Variants in GPATCH8 observed in about 807,000 individuals in gnomAD.
GPATCH8 encodes the protein G-patch domain containing 8, also known as G patch domain-containing protein 8.
A neutral mutation model predicts 118.3 loss-of-function variants in GPATCH8; 18 were observed. The ratio of observed to expected loss-of-function variants is 0.15; its 90% CI spans 0.11 to 0.23. The LOEUF (loss-of-function observed/expected upper bound fraction) is 0.23. Among genes scored for constraint, GPATCH8 ranks in the 10% least tolerant of loss-of-function variants. GPATCH8 has a pLI of 1.00. For missense variants in GPATCH8, 1,631 were observed against 1,873.8 expected (o/e 0.87, Z 2.39); for synonymous variants, 659 against 684.7 (o/e 0.96, Z 0.59).
At chr17:44,488,342 G>A (rs1039643426) in intron 1 of GPATCH8, among the ~76,000 whole-genome samples, 5 of 150,014 alleles carry the variant, frequency 3.3e-5, no homozygotes, top group African/African-American at 1.2e-4. Context: ...CTACAGGTGT[G>A]CACCACCACG....
At chr17:44,448,943 C>T (rs578059523) in intron 3 of GPATCH8, among the ~76,000 whole-genome samples, 11 of 152,126 alleles carry the variant, frequency 7.2e-5, no homozygotes, top group Non-Finnish European at 1.6e-4. Flanking sequence ...CTGATCCATT[C>T]TATTTGCATT....
At chr17:44,494,795 G>T (rs957328162) in intron 1 of GPATCH8, among the ~76,000 whole-genome samples, 15 of 152,134 alleles carry the variant, frequency 9.9e-5, no homozygotes, top group Non-Finnish European at 2.9e-5. Context: ...CTATCCCTCA[G>T]CTTAAGAACC....
In GPATCH8 at chr17:44,399,172, GACT is replaced by G. The variant is rs755090159; in HGVS notation, c.2902_2904del (p.Ser968del). 27 of 1,610,266 alleles carry G rather than the reference GACT, an allele frequency of 1.7e-5. No individual in the cohort carries two copies. The highest frequency in any genetic ancestry group is 2.3e-5 in the Non-Finnish European group (27 of 1,177,118). ...GTGCTACGGCTTCTCCGCTTGCTTC[GACT>G]ACGACTACAACTGCTGCTGCGGCTG... On this transcript the variant is annotated inframe_deletion, in exon 8 of 8. Coordinates refer to ENST00000591680, the MANE Select transcript of GPATCH8 (RefSeq NM_001002909.4).
intron 3 of GPATCH8, among the ~76,000 whole-genome samples, chr17:44,438,219 A>C (rs906150729): frequency 2.0e-5 from 3 of 152,196 alleles, no homozygotes; most frequent in Non-Finnish European, 4.4e-5. Flanking sequence ...AGAAATGTCA[A>C]AGCAATTTAT....
At position 44,435,136 on chromosome 17, in the gene GPATCH8, CT is replaced by C; in HGVS notation, c.276del (p.Asp93MetfsTer9). On this transcript the variant is annotated frameshift_variant, in exon 5 of 8. Transcript: ENST00000591680. LOFTEE classifies it high-confidence loss of function. ...AGGACACGGCGCCGTTCGGTAGCAT[CT>C]TCAGCATAATCAAGCTTGACAAAAA... Reference protein sequence around the residue: ...GRMEMELDYAEDATERRRVLE... With the variant: ...GRMEMELDYAXDATERRRVLE... 1 of 1,483,468 alleles carries C rather than the reference CT, an allele frequency of 6.7e-7. No homozygotes were observed. The highest frequency in any genetic ancestry group is 9.4e-7 in the Non-Finnish European group (1 of 1,060,836). The allele number at this position is 1,483,468 out of a possible 1,614,324, so 91.9% of individuals were successfully genotyped here.
intron 5 of GPATCH8, among the ~76,000 whole-genome samples, chr17:44,433,183 G>A (rs998062718): frequency 5.3e-5 from 8 of 151,982 alleles, no homozygotes; most frequent in Non-Finnish European, 7.4e-5. Context: ...ATAATCTTAT[G>A]AGGCTGTGAA....
intron 3 of GPATCH8, among the ~76,000 whole-genome samples, chr17:44,448,538 G>A (rs2050982322): frequency 6.3e-5 from 2 of 31,534 alleles, no homozygotes; most frequent in Non-Finnish European, 2.1e-4. Flanking sequence ...GAAGAAGAAG[G>A]AAGAAGAAGA....
At chr17:44,488,420 G>A (rs779040059) in intron 1 of GPATCH8, among the ~76,000 whole-genome samples, 1 of 151,420 alleles carries the variant, frequency 6.6e-6, no homozygotes, top group Non-Finnish European at 1.5e-5. Context: ...CCAGGCTGGC[G>A]TGCAGTGGCA....
chr17:44,442,028 CAAAG>C (rs972848151), intron 3 of GPATCH8, among the ~76,000 whole-genome samples: 2 of 149,678 alleles, frequency 1.3e-5, no homozygotes, highest in African/African-American at 4.9e-5. Flanking sequence ...AACTCTGTCT[CAAAG>C]AGACAAAAAT....
chr17:44,455,910 G>A (rs1040675557), intron 3 of GPATCH8, among the ~76,000 whole-genome samples: 7 of 152,050 alleles, frequency 4.6e-5, no homozygotes, highest in Admixed American at 1.3e-4. Flanking sequence ...ACCATGCCCC[G>A]CTAATTTTGT....
chr17:44,453,251 G>A (rs749256942), intron 3 of GPATCH8, among the ~76,000 whole-genome samples: 4 of 152,142 alleles, frequency 2.6e-5, no homozygotes, highest in Non-Finnish European at 5.9e-5. Flanking sequence ...TGTGGCATGA[G>A]CTTTGGAGGC....
intron 6 of GPATCH8, among the ~76,000 whole-genome samples, chr17:44,416,025 C>T (rs536603780): frequency 1.4e-4 from 22 of 152,306 alleles, no homozygotes; most frequent in South Asian, 4.1e-4. Flanking sequence ...GTTTTTGAGA[C>T]GGAGTCTCAC....
chr17:44,446,045 T>G (rs1024598840), intron 3 of GPATCH8: 3 of 152,010 alleles, frequency 2.0e-5, no homozygotes, highest in African/African-American at 7.3e-5. Context: ...GCTCAAGTGA[T>G]CCTCCCACCT....
chr17:44,500,955 T>C (rs996450877), intron 1 of GPATCH8, among the ~76,000 whole-genome samples: 1 of 152,260 alleles, frequency 6.6e-6, no homozygotes, highest in Non-Finnish European at 1.5e-5. Context: ...AGTCAATCTG[T>C]ATTTTCCCTT....
rs757014684 is a variant in GPATCH8 at position 44,398,292 on chromosome 17, G to C, written c.3785C>G (p.Pro1262Arg). 6 of 1,613,918 alleles carry C rather than the reference G, an allele frequency of 3.7e-6. No homozygotes were observed. Among genetic ancestry groups the C allele is most frequent in the African/African-American group, 1.3e-5 (1 of 75,038 alleles). Reference protein sequence around the residue: ...TLESLDSSSQPGPVESSLLPI... With the variant: ...TLESLDSSSQRGPVESSLLPI... ...CAGCAAGCTGGACTCCACAGGGCCT[G>C]GCTGACTGCTGCTATCCAGGGACTC... Residue 1262 changes from proline to arginine, a missense_variant, in exon 8 of 8, where the codon CCA becomes CGA. By Grantham distance (103) the Pro-to-Arg change is moderately radical. Coordinates refer to ENST00000591680, the MANE Select transcript of GPATCH8 (RefSeq NM_001002909.4).
intron 6 of GPATCH8, among the ~76,000 whole-genome samples, chr17:44,423,794 G>A (rs1598452733): frequency 6.6e-6 from 1 of 152,294 alleles, no homozygotes; most frequent in South Asian, 2.1e-4. Flanking sequence ...ACTGCAAAGT[G>A]TAATTCATTT....
intron 6 of GPATCH8, among the ~76,000 whole-genome samples, chr17:44,421,029 T>C (rs1188547374): frequency 6.6e-6 from 1 of 152,028 alleles, no homozygotes. Context: ...TTTTTTTATT[T>C]TTAGTAGAGA....
intron 6 of GPATCH8, among the ~76,000 whole-genome samples, chr17:44,423,269 T>C (rs537308349): frequency 2.6e-5 from 4 of 152,078 alleles, no homozygotes; most frequent in Non-Finnish European, 4.4e-5. Flanking sequence ...TCCAAAGGTA[T>C]GTAGTAAGTT....
intron 1 of GPATCH8, among the ~76,000 whole-genome samples, chr17:44,480,575 C>A (rs766820995): frequency 2.6e-5 from 4 of 152,210 alleles, no homozygotes; most frequent in Non-Finnish European, 5.9e-5. Context: ...AAAAAATTAG[C>A]CAGGCGTGGT....
Sources: allele counts gnomAD v4.1 joint callset (sites outside exome capture counted in the v4.1 genomes callset), GRCh38; gene constraint gnomAD v4.1.1; transcripts MANE v1.5; gene names NCBI Gene and HGNC (gene_info 2026-07-23, HGNC 2026-07-21).